Variants in ANO6 observed in about 807,000 individuals in gnomAD.
The protein encoded by ANO6 is anoctamin-6.
Under a neutral mutation model 117.5 loss-of-function variants are expected in ANO6, and 106 were observed. The ratio of observed to expected loss-of-function variants is 0.90; its 90% CI spans 0.77 to 1.06. ANO6 has a LOEUF of 1.06. ANO6 is among the 50% of genes least tolerant of loss of function. ANO6 has a pLI of 0.00. For synonymous variants in ANO6, 367 were observed against 385.1 expected, an observed-to-expected ratio of 0.95 and a Z score of 0.55; for missense variants, 955 against 1,121.1, an observed-to-expected ratio of 0.85 and a Z score of 2.12.
intron 1 of ANO6, among the ~76,000 whole-genome samples, chr12:45,268,012 C>T (rs1224331192): frequency 1.3e-5 from 2 of 152,146 alleles, no homozygotes; most frequent in African/African-American, 4.8e-5. Flanking sequence ...ATCATTTACA[C>T]AAATGTTTAA....
intron 17 of ANO6, among the ~76,000 whole-genome samples, chr12:45,420,147 G>C (rs1943320290): frequency 6.6e-6 from 1 of 152,026 alleles, no homozygotes; most frequent in Middle Eastern, 3.2e-3. Flanking sequence ...AAACAAATCA[G>C]GTCATGGTTT....
chr12:45,258,804 G>A (rs573792093), intron 1 of ANO6, among the ~76,000 whole-genome samples: 30 of 152,208 alleles, frequency 2.0e-4, no homozygotes, highest in Non-Finnish European at 4.3e-4. Flanking sequence ...CCAAAGGAAT[G>A]TTTTCCTCCA....
intron 2 of ANO6, among the ~76,000 whole-genome samples, chr12:45,319,080 C>G (rs1286902606): frequency 6.6e-6 from 1 of 152,168 alleles, no homozygotes; most frequent in African/African-American, 2.4e-5. Flanking sequence ...ATTTGACTTC[C>G]TGTTTTCCTA....
rs185160615 is a variant in ANO6 at position 45,249,096 on chromosome 12, G to A, written c.70+32705G>A. On this transcript the variant is annotated intron_variant, in intron 1 of 19. Transcript: ENST00000320560. ...ACCACATAGGACTTTTTCTGAGGATGAAATAACACAAATGTTAAGTTGCTT... is the reference window on the plus strand; with the variant it reads ...ACCACATAGGACTTTTTCTGAGGATAAAATAACACAAATGTTAAGTTGCTT... Among the ~76,000 whole-genome samples the A allele has an allele frequency of 6.2e-4, 95 of 152,304 alleles. 1 individual carries two copies. The highest frequency in any genetic ancestry group is 2.2e-3 in the African/African-American group (93 of 41,562).
intron 2 of ANO6, among the ~76,000 whole-genome samples, chr12:45,312,428 A>T (rs1452811387): frequency 6.6e-6 from 1 of 152,044 alleles, no homozygotes; most frequent in Non-Finnish European, 1.5e-5. Flanking sequence ...AATTCACAAG[A>T]TTCCCAGAAA....
At chr12:45,260,654 A>AAC (rs1937996040) in intron 1 of ANO6, among the ~76,000 whole-genome samples, 1 of 152,204 alleles carries the variant, frequency 6.6e-6, no homozygotes, top group Non-Finnish European at 1.5e-5. Flanking sequence ...TCCTGCTCAG[A>AAC]GGGATTCAGA....
chr12:45,413,065 C>T (rs1208937667), intron 16 of ANO6, among the ~76,000 whole-genome samples: 3 of 152,168 alleles, frequency 2.0e-5, no homozygotes, highest in Non-Finnish European at 4.4e-5. Context: ...TGTGCTTAGC[C>T]TGAGGACTTG....
In ANO6 at chr12:45,403,181, C is replaced by T; in HGVS notation, c.1722C>T (p.Gly574=). 1 of 1,613,948 alleles carries T rather than the reference C, an allele frequency of 6.2e-7. No individual in the cohort carries two copies. Among genetic ancestry groups the T allele is most frequent in the Non-Finnish European group, 8.5e-7 (1 of 1,179,934 alleles). Residue 574 remains glycine, a synonymous_variant, in exon 14 of 20, where the codon GGC becomes GGT. Coordinates refer to ENST00000320560, the MANE Select transcript of ANO6 (RefSeq NM_001025356.3). ...SSCFYIAFFK[G]KFVGYPGDPV... The stretch of plus-strand genomic sequence containing the variant: ...GCTTCTACATAGCATTCTTTAAGGG[C>T]AAATTTGTAGGCTATCCAGGAGACC...
chr12:45,274,810 C>T lies in ANO6; in HGVS notation c.71-27204C>T, dbSNP rs542159486. Among the ~76,000 whole-genome samples the T allele has an allele frequency of 2.8e-4, 42 of 148,094 alleles. No homozygotes were observed. In the South Asian group the frequency reaches 9.4e-3, roughly 33 times the overall value. On this transcript the variant is annotated intron_variant, in intron 1 of 19. Coordinates refer to ENST00000320560, the MANE Select transcript of ANO6 (RefSeq NM_001025356.3). ...TGGCCACTATCCTCATCATCCTCTC[C>T]ACCCTCTGTCACCTCCCAACTCCTT... is the stretch of plus-strand genomic sequence containing the variant.
At chr12:45,289,170 CTTT>C (rs11410863) in intron 1 of ANO6, among the ~76,000 whole-genome samples, 1 of 135,692 alleles carries the variant, frequency 7.4e-6, no homozygotes, top group African/African-American at 2.7e-5. Flanking sequence ...ATTATTATTA[CTTT>C]TTTTTTTTTT....
intron 2 of ANO6, among the ~76,000 whole-genome samples, chr12:45,322,529 C>G (rs980494192): frequency 2.0e-5 from 3 of 152,062 alleles, no homozygotes; most frequent in Non-Finnish European, 4.4e-5. Context: ...GTTTTTGACC[C>G]CTTCTGTGAC....
At chr12:45,277,805 A>G (rs1440124362) in intron 1 of ANO6, among the ~76,000 whole-genome samples, 1 of 152,120 alleles carries the variant, frequency 6.6e-6, no homozygotes, top group South Asian at 2.1e-4. Context: ...GATCCTTTGT[A>G]TGAAAAACTT....
chr12:45,324,627 C>T (rs1046158893), intron 2 of ANO6, among the ~76,000 whole-genome samples: 29 of 152,088 alleles, frequency 1.9e-4, no homozygotes, highest in African/African-American at 6.8e-4. Flanking sequence ...GAAATGGAAA[C>T]CTACTGTAAA....
intron 1 of ANO6, among the ~76,000 whole-genome samples, chr12:45,289,516 C>T (rs1327498475): frequency 6.6e-6 from 1 of 152,176 alleles, no homozygotes; most frequent in African/African-American, 2.4e-5. Flanking sequence ...ACCCAAAAAG[C>T]TTATACCACC....
chr12:45,415,007 C>G (rs1943179738), intron 16 of ANO6, among the ~76,000 whole-genome samples: 1 of 152,198 alleles, frequency 6.6e-6, no homozygotes, highest in Non-Finnish European at 1.5e-5. Context: ...ATCCTCCCGC[C>G]TCAGCCTCCC....
intron 3 of ANO6, among the ~76,000 whole-genome samples, chr12:45,331,745 A>G (rs966315706): frequency 6.6e-6 from 1 of 152,116 alleles, no homozygotes; most frequent in Non-Finnish European, 1.5e-5. Context: ...TAGGAAGCTA[A>G]TGATTAATAA....
intron 2 of ANO6, among the ~76,000 whole-genome samples, chr12:45,308,915 A>C (rs1384735866): frequency 6.6e-6 from 1 of 152,066 alleles, no homozygotes. Flanking sequence ...TCACTGAAAC[A>C]GTGTGCTCTG....
At chr12:45,310,948 A>G (rs1939829517) in intron 2 of ANO6, among the ~76,000 whole-genome samples, 1 of 152,114 alleles carries the variant, frequency 6.6e-6, no homozygotes, top group South Asian at 2.1e-4. Flanking sequence ...AATATTAGAA[A>G]AAAGGTCATT....
intron 2 of ANO6, among the ~76,000 whole-genome samples, chr12:45,316,690 T>C (rs966562712): frequency 5.9e-5 from 9 of 151,998 alleles, no homozygotes; most frequent in Admixed American, 3.3e-4. Context: ...TTAGGTGTTA[T>C]AGATTAAAAG....
Sources: gnomAD v4.1 joint callset for allele counts (sites outside exome capture counted in the v4.1 genomes callset) on GRCh38, gnomAD v4.1.1 for gene constraint, MANE v1.5 for transcripts, NCBI Gene and HGNC (gene_info 2026-07-23, HGNC 2026-07-21) for gene names.